YLPM1: variants seen among roughly 807,000 people sequenced by gnomAD.
The protein encoded by YLPM1 is YLP motif containing 1.
A neutral mutation model predicts 230.0 loss-of-function variants in YLPM1; 99 were observed. The observed-to-expected ratio is 0.43, with a 90% confidence interval of 0.37 to 0.51. The LOEUF (loss-of-function observed/expected upper bound fraction) is 0.51. Ranked by LOEUF, YLPM1 falls within the 20% of genes least tolerant of loss-of-function variation. YLPM1 has a pLI of 0.00. For missense variants in YLPM1, 2,592 were observed against 2,707.7 expected (o/e 0.96, Z 0.95); for synonymous variants, 984 against 942.5 (o/e 1.04, Z -0.81).
chr14:74,799,780 T>C (rs2140112360), intron 5 of YLPM1, 83 bp downstream of exon 5: 2 of 1,443,920 alleles, frequency 1.4e-6, no homozygotes, highest in Non-Finnish European at 1.8e-6. Flanking sequence ...TATATTTGAA[T>C]GGAATCATTT....
At chr14:74,830,474 A>G (rs777978677) in intron 19 of YLPM1, among the ~76,000 whole-genome samples, 1 of 152,222 alleles carries the variant, frequency 6.6e-6, no homozygotes, top group Non-Finnish European at 1.5e-5. Flanking sequence ...ATATAAGCAT[A>G]TACAGAACTA....
At chr14:74,821,299 T>C (rs2091518386) in intron 17 of YLPM1, 162 bp downstream of exon 17, 1 of 1,095,248 alleles carries the variant, frequency 9.1e-7, no homozygotes, top group South Asian at 2.7e-5. Flanking sequence ...TCTTTATTTT[T>C]CCCCAGACCA....
chr14:74,835,540 CTTCTT>C (rs1165932466), intron 20 of YLPM1, 93 bp downstream of exon 20: 2 of 1,082,444 alleles, frequency 1.8e-6, no homozygotes, highest in Non-Finnish European at 2.6e-6. Context: ...AAAATGCTCT[CTTCTT>C]GTGTTATTTT....
rs1177664038 is a variant in YLPM1, at chr14:74,829,360, A to G, written c.6294+17A>G. ...AAGAAGAGGGTAAGAGACTTTGTCA[A>G]TAACTGCCAACAAATGAAGGGCCCA... On this transcript the variant is annotated intron_variant, in intron 19 of 20. Transcript: ENST00000325680. 12 of 1,612,098 alleles carry G rather than the reference A, an allele frequency of 7.4e-6. No individual in the cohort carries two copies. Among genetic ancestry groups the G allele is most frequent in the African/African-American group, 4.0e-5 (3 of 74,850 alleles).
chr14:74,819,321 T>C (rs113158902), intron 16 of YLPM1, among the ~76,000 whole-genome samples: 136 of 149,984 alleles, frequency 9.1e-4, no homozygotes, highest in African/African-American at 3.2e-3. Context: ...GTCACCTAGA[T>C]TGTAGTGCAG....
rs552127051 is a variant in YLPM1, at chr14:74,820,993, A to G, written c.6031-64A>G. On this transcript the variant is annotated intron_variant, in intron 16 of 20. Transcript: ENST00000325680. ...ACTGTATTCATTCCAGATCTCAATG[A>G]GGGAGTCAATATTTTGCTAAATGTT... 3.8e-4 allele frequency: 529 copies of G among 1,385,408 alleles called. 4 individuals are homozygous for G. In the Middle Eastern group the frequency reaches 4.2e-3, roughly 11 times the overall value. 85.8% of individuals were successfully genotyped at this position (1,385,408 alleles called of 1,614,324 possible).
chr14:74,794,347 C>CTT (rs750470441), intron 4 of YLPM1, among the ~76,000 whole-genome samples: 7 of 152,168 alleles, frequency 4.6e-5, no homozygotes, highest in Non-Finnish European at 7.4e-5. Flanking sequence ...CCATGCCCAG[C>CTT]TTAAGTTTTC....
At chr14:74,797,368 C>T (rs927590925) in intron 4 of YLPM1, among the ~76,000 whole-genome samples, 2 of 152,112 alleles carry the variant, frequency 1.3e-5, no homozygotes, top group African/African-American at 4.8e-5. Flanking sequence ...ATAATACTGA[C>T]ATGATTTCCA....
Position 74,812,633 on chromosome 14 carries a change from C to T in YLPM1, c.5353C>T (p.Arg1785Ter), listed in dbSNP as rs1445008862. The T allele has an allele frequency of 1.9e-6, 3 of 1,610,978 alleles. No individual in the cohort carries two copies. The highest frequency in any genetic ancestry group is 1.7e-6 in the Non-Finnish European group (2 of 1,178,792). ...TTCAACTGCTGGAATCCTAGGAGAA[C>T]GAAGGACTTATCCTGAGGAGCGAAT... is the stretch of plus-strand genomic sequence containing the variant. ...YEGPSMFGGE[R>*]RTYPEERMPL... Residue 1785 changes from arginine to a stop codon, truncating the protein, a stop_gained, in exon 11 of 21, where the codon CGA becomes TGA. Coordinates refer to ENST00000325680, the MANE Select transcript of YLPM1 (RefSeq NM_019589.3). LOFTEE classifies it high-confidence loss of function.
Position 74,782,131 on chromosome 14 carries a change from A to G in YLPM1, c.2088A>G (p.Glu696=). 1.2e-6 allele frequency: 2 copies of G among 1,613,766 alleles called. No individual in the cohort carries two copies. The highest frequency in any genetic ancestry group is 1.7e-6 in the Non-Finnish European group (2 of 1,179,822). ...HPPLQSAGPS[E]QVNSKAPLSK... Reference sequence around the variant, plus strand: ...CGTTGCAATCAGCTGGTCCATCAGAACAAGTGAATTCAAAAGCTCCTTTGA... The same window carrying G: ...CGTTGCAATCAGCTGGTCCATCAGAGCAAGTGAATTCAAAAGCTCCTTTGA... Residue 696 remains glutamate (E), a synonymous_variant, in exon 4 of 21, where the codon GAA becomes GAG. Coordinates refer to ENST00000325680, the MANE Select transcript of YLPM1 (RefSeq NM_019589.3).
intron 6 of YLPM1, among the ~76,000 whole-genome samples, chr14:74,807,690 A>G (rs1336122955): frequency 6.6e-6 from 1 of 152,204 alleles, no homozygotes; most frequent in East Asian, 1.9e-4. Flanking sequence ...CACTCCTTAG[A>G]TTACTAGATG....
chr14:74,772,742 A>T (rs2090991432), intron 1 of YLPM1, among the ~76,000 whole-genome samples: 1 of 152,214 alleles, frequency 6.6e-6, no homozygotes, highest in African/African-American at 2.4e-5. Context: ...CTCTACCTAT[A>T]AAACAACATC....
Position 74,782,117 on chromosome 14 carries a change from G to C in YLPM1, c.2074G>C (p.Ala692Pro). Residue 692 changes from alanine (A) to proline (P), a missense_variant, in exon 4 of 21, where the codon GCT becomes CCT. Physicochemically the swap from Ala to Pro is conservative, Grantham distance 27 (BLOSUM62 -1). This residue lies in a region of YLPM1 where 1,862 missense variants were observed against 1,819.8 expected (regional missense o/e 1.02). Coordinates refer to ENST00000325680, the MANE Select transcript of YLPM1 (RefSeq NM_019589.3). ...PTTYHPPLQS[A>P]GPSEQVNSKA... ...AACTTACCATCCTCCGTTGCAATCAGCTGGTCCATCAGAACAAGTGAATTC... is the reference window on the plus strand; with the variant it reads ...AACTTACCATCCTCCGTTGCAATCACCTGGTCCATCAGAACAAGTGAATTC... 6.2e-7 allele frequency: 1 copy of C among 1,613,842 alleles called. No individual in the cohort carries two copies. The highest frequency in any genetic ancestry group is 8.5e-7 in the Non-Finnish European group (1 of 1,179,880).
chr14:74,827,820 CAG>C (rs749108665), intron 18 of YLPM1: 94 of 985,176 alleles, frequency 9.5e-5, no homozygotes, highest in Non-Finnish European at 1.1e-4. Context: ...CCTGTGCAGT[CAG>C]GGGGTCACTT....
At chr14:74,827,313 A>T (rs1416551708) in intron 18 of YLPM1, 9 of 982,922 alleles carry the variant, frequency 9.2e-6, no homozygotes, top group Non-Finnish European at 1.1e-5. Context: ...TTCTGTAATT[A>T]ACACCCCAGA....
intron 11 of YLPM1, 91 bp from the exon 12 acceptor site, chr14:74,816,112 T>A: frequency 8.3e-7 from 1 of 1,199,792 alleles, no homozygotes; most frequent in Non-Finnish European, 1.2e-6. Context: ...TAGTCTATCC[T>A]GGAAAATGGT....
At position 74,809,865 on chromosome 14, in the gene YLPM1, C is replaced by G. The variant is rs747856068; in HGVS notation, c.4940-45C>G. ...TTGTTAGCTTCAGCTTTAGCTTTCT[C>G]TAGCTTCACTCTTACAGTACTTTAT... On this transcript the variant is annotated intron_variant, in intron 7 of 20. Transcript: ENST00000325680. The G allele has an allele frequency of 1.9e-6, 3 of 1,605,250 alleles. No individual in the cohort carries two copies. The South Asian group carries it at 3.4e-5, about 18-fold the overall frequency.
intron 17 of YLPM1, among the ~76,000 whole-genome samples, chr14:74,823,324 A>G (rs1414260296): frequency 2.0e-5 from 3 of 152,144 alleles, no homozygotes; most frequent in African/African-American, 7.2e-5. Context: ...CCTATTTACT[A>G]GGTTCCAATA....
chr14:74,799,558 C>A lies in YLPM1; in HGVS notation c.4261C>A (p.Pro1421Thr), dbSNP rs1375280551. 1.2e-6 allele frequency: 2 copies of A among 1,613,906 alleles called. No individual in the cohort carries two copies. The highest frequency in any genetic ancestry group is 3.3e-5 in the Admixed American group (2 of 60,014). The change falls in exon 5 of 21, where the codon CCC becomes ACC. Residue 1421 changes from proline (P) to threonine (T), a missense_variant. By Grantham distance (38) the Pro-to-Thr change is conservative. Around this residue, in one of 4 missense-constraint regions of YLPM1, gnomAD observed 1,862 missense variants for 1,819.8 expected, o/e 1.02. Coordinates refer to ENST00000325680, the MANE Select transcript of YLPM1 (RefSeq NM_019589.3). The part of the protein sequence containing the change: ...DRHSPMAEHM[P>T]SSHHSSEMMG... ...ACATTCCCCCATGGCGGAACATATG[C>A]CCTCCTCACATCATTCCTCAGAAAT... is the stretch of plus-strand genomic sequence containing the variant.
Sources: gnomAD v4.1 joint callset for allele counts (sites outside exome capture counted in the v4.1 genomes callset) on GRCh38, gnomAD v4.1.1 for gene constraint, gnomAD v4.1.1 regional missense constraint, MANE v1.5 for transcripts, NCBI Gene and HGNC (gene_info 2026-07-23, HGNC 2026-07-21) for gene names.